Variants in PCSK7 observed in about 807,000 individuals in gnomAD.
PCSK7 encodes lymphoma proprotein convertase.
Under a neutral mutation model 73.3 loss-of-function variants are expected in PCSK7, and 38 were observed. The ratio of observed to expected loss-of-function variants is 0.52; its 90% CI spans 0.40 to 0.68. PCSK7 has a LOEUF of 0.68. Ranked by LOEUF, PCSK7 falls within the 30% of genes least tolerant of loss-of-function variation. PCSK7 has a pLI of 0.00. For missense variants in PCSK7, 692 were observed against 991.5 expected, an observed-to-expected ratio of 0.70 and a Z score of 4.06; for synonymous variants, 296 against 383.8, an observed-to-expected ratio of 0.77 and a Z score of 2.68.
chr11:117,222,256 AG>A (rs2032231715), intron 9 of PCSK7: 1 of 152,256 alleles, frequency 6.6e-6, no homozygotes, highest in Non-Finnish European at 1.5e-5. Flanking sequence ...GATGGCGCTA[AG>A]CCCAGCTGGG....
rs2032420713 is a variant in PCSK7, at chr11:117,226,221, C to T, written c.770-200G>A. The T allele has an allele frequency of 2.1e-5, 12 of 571,818 alleles. No individual in the cohort carries two copies. In the South Asian group the frequency reaches 2.5e-4, roughly 12 times the overall value. 35.4% of individuals were successfully genotyped at this position (571,818 alleles called of 1,614,324 possible). On this transcript the variant is annotated intron_variant, in intron 5 of 16. Coordinates refer to ENST00000320934, the MANE Select transcript of PCSK7 (RefSeq NM_004716.4). ...GCATGATCTCGGCTCACTGCAGCCT[C>T]CACCTCCTGGGTTCAAGCGATTGTC...
At chr11:117,230,153 C>T (rs1189979210) in intron 2 of PCSK7, 196 bp downstream of exon 2, 8 of 335,516 alleles carry the variant, frequency 2.4e-5, no homozygotes, top group East Asian at 1.0e-4. Flanking sequence ...ACAGGCACTG[C>T]GAGCAACCCC....
At chr11:117,231,801 G>T (rs551214479) in intron 1 of PCSK7, 40 of 152,448 alleles carry the variant, frequency 2.6e-4, no homozygotes, top group Admixed American at 2.5e-3. Context: ...TCAGTTTCCC[G>T]ATTCTCCCTC....
At chr11:117,213,371 C>G (rs1322367692) in intron 12 of PCSK7, 8 of 152,118 alleles carry the variant, frequency 5.3e-5, no homozygotes, top group Admixed American at 3.9e-4. Flanking sequence ...ATGAAACACT[C>G]GCGCGTTTCA....
Position 117,218,664 on chromosome 11 carries a change from A to C in PCSK7, c.1432-96T>G. ...CACGCCCTTGTCAATACGATCTTGA[A>C]GGTTTAGCTGTCTTTATTTTTCCAC... On this transcript the variant is annotated intron_variant, in intron 11 of 16. Coordinates refer to ENST00000320934, the MANE Select transcript of PCSK7 (RefSeq NM_004716.4). The surrounding 1 kb of genome is among the most constrained non-coding windows in gnomAD (Gnocchi z 4.0). 1 of 687,980 alleles carries C rather than the reference A, an allele frequency of 1.5e-6. No homozygotes were observed. The highest frequency in any genetic ancestry group is 2.5e-6 in the Non-Finnish European group (1 of 402,414). The allele number at this position is 687,980 out of a possible 1,614,324, so 42.6% of individuals were successfully genotyped here. A position where few individuals can be genotyped will look rare whatever the true frequency, so the allele number is the denominator to read the frequency against.
intron 2 of PCSK7, 91 bp from the exon 3 acceptor site, chr11:117,229,947 C>T: frequency 1.4e-6 from 1 of 696,522 alleles, no homozygotes; most frequent in Non-Finnish European, 2.4e-6. Context: ...CATGTGTTCC[C>T]CCTGGAAGTC....
At chr11:117,224,238 G>A (rs1272275897) in intron 7 of PCSK7, 22 bp from the exon 8 acceptor site, 2 of 1,613,368 alleles carry the variant, frequency 1.2e-6, no homozygotes, top group South Asian at 1.1e-5. Flanking sequence ...AAACATCAGG[G>A]TGTCAGTTGA....
At chr11:117,223,176 G>C in intron 9 of PCSK7, 32 bp downstream of exon 9, 1 of 1,260,172 alleles carries the variant, frequency 7.9e-7, no homozygotes, top group Non-Finnish European at 1.2e-6. Context: ...GTGGGAAAGG[G>C]GCAGGCCGTG....
chr11:117,213,681 G>A (rs187136605), intron 12 of PCSK7: 26 of 152,318 alleles, frequency 1.7e-4, no homozygotes, highest in African/African-American at 5.3e-4. Context: ...GCTTGTCTGC[G>A]TTCGCAGTGT....
At chr11:117,224,031 C>T in intron 8 of PCSK7, 47 bp downstream of exon 8, 1 of 1,596,492 alleles carries the variant, frequency 6.3e-7, no homozygotes, top group Non-Finnish European at 8.6e-7. Context: ...GATGCCCTAA[C>T]CCTTCGGTGA....
chr11:117,219,969 GCTAGAGA>G (rs929072119), intron 9 of PCSK7: 7 of 418,608 alleles, frequency 1.7e-5, no homozygotes, highest in Non-Finnish European at 2.5e-5. Flanking sequence ...TAAAAAAGAA[GCTAGAGA>G]CTGAGTTCAA....
rs1270632354 is a variant in PCSK7 at position 117,219,628 on chromosome 11, C to T, written c.1286G>A (p.Arg429His). The part of the protein sequence containing the change: ...MLQVRPCLTW[R>H]DVQHIIVFTA... Reference sequence around the variant, plus strand: ...GAAGACAATGATGTGCTGGACGTCACGCCACGTGAGGCAGGGCCGCACCTG... The same window carrying T: ...GAAGACAATGATGTGCTGGACGTCATGCCACGTGAGGCAGGGCCGCACCTG... The change falls in exon 10 of 17, where the codon CGT becomes CAT. Residue 429 changes from arginine to histidine, a missense_variant. Physicochemically the swap from Arg to His is conservative, Grantham distance 29. Around this residue, in one of 6 missense-constraint regions of PCSK7, gnomAD observed 574 missense variants for 689.8 expected, o/e 0.83. Coordinates refer to ENST00000320934, the MANE Select transcript of PCSK7 (RefSeq NM_004716.4). 1.9e-6 allele frequency: 3 copies of T among 1,612,458 alleles called. No homozygotes were observed. Among genetic ancestry groups the T allele is most frequent in the South Asian group, 1.1e-5 (1 of 90,810 alleles).
Position 117,229,490 on chromosome 11 carries a change from C to T in PCSK7, c.355G>A (p.Ala119Thr). The change falls in exon 3 of 17, where the codon GCT (alanine) becomes ACT (threonine). Residue 119 changes from alanine to threonine, a missense_variant. This residue lies in a region of PCSK7 where 574 missense variants were observed against 689.8 expected (regional missense o/e 0.83). Coordinates refer to ENST00000320934, the MANE Select transcript of PCSK7 (RefSeq NM_004716.4). ...EVEAIRQQVE[A>T]VLAGHEAVRW... is the part of the protein sequence containing the mutation. ...ACAGCTTCATGCCCAGCCAACACAG[C>T]CTCCACCTGCTGCCGGATGGCCTCC... 1 of 1,612,172 alleles carries T rather than the reference C, an allele frequency of 6.2e-7. No individual in the cohort carries two copies.
Position 117,215,407 on chromosome 11 carries a change from C to CACTTTT in PCSK7, c.1534+3058_1534+3059insAAAAGT, listed in dbSNP as rs1178049660. On this transcript the variant is annotated intron_variant, in intron 12 of 16. Coordinates refer to ENST00000320934, the MANE Select transcript of PCSK7 (RefSeq NM_004716.4). Reference sequence around the variant, plus strand: ...ATATATATATATATATATATATATACTTTTTTTTTTTGAGATGGAGTCTCG... The same window carrying CACTTTT: ...ATATATATATATATATATATATATACACTTTTTTTTTTTTTTTGAGATGGAGTCTCG... 7 of 58,786 alleles carry CACTTTT rather than the reference C, an allele frequency of 1.2e-4. No homozygotes were observed. In the East Asian group the frequency reaches 6.0e-3, roughly 50 times the overall value. 3.6% of individuals were successfully genotyped at this position (58,786 alleles called of 1,614,324 possible).
chr11:117,225,675 T>C, intron 6 of PCSK7: 3 of 523,186 alleles, frequency 5.7e-6, no homozygotes, highest in South Asian at 2.5e-5. Flanking sequence ...GCAGAGGCCT[T>C]AGGAGTTTAG....
rs1241345759 is a variant in PCSK7 at position 117,209,051 on chromosome 11, T to C, written c.1537A>G (p.Ser513Gly). 6.4e-7 allele frequency: 1 copy of C among 1,567,672 alleles called. No homozygotes were observed. Among genetic ancestry groups the C allele is most frequent in the Non-Finnish European group, 8.7e-7 (1 of 1,149,456 alleles). Residue 513 changes from serine (S) to glycine (G), a missense_variant and splice_region_variant, in exon 13 of 17, where the codon AGC (serine) becomes GGC (glycine). Around this residue, in one of 6 missense-constraint regions of PCSK7, gnomAD observed 8 missense variants for 48.2 expected, o/e 0.17. Transcript: ENST00000320934. The stretch of plus-strand genomic sequence containing the variant: ...CCTGACATCTCCAGGTCCATCCTGC[T>C]GACTGTAGAAAGTCAGGCTGGGCAG... The part of the protein sequence containing the change: ...PRSLEVLWNV[S>G]RMDLEMSGLK...
rs921035333 is a variant in PCSK7 at position 117,217,511 on chromosome 11, T to C, written c.1534+955A>G. On this transcript the variant is annotated intron_variant, in intron 12 of 16. Coordinates refer to ENST00000320934, the MANE Select transcript of PCSK7 (RefSeq NM_004716.4). The stretch of plus-strand genomic sequence containing the variant: ...GGGTTTCATTCCACATTGAGGGAAA[T>C]TGGGCAAGTGCTGGATGTGGTTAGG... 4.6e-5 allele frequency: 7 copies of C among 152,268 alleles called. No homozygotes were observed. In the South Asian group the frequency reaches 1.0e-3, roughly 23 times the overall value. The allele number at this position is 152,268 out of a possible 1,614,324, so 9.4% of individuals were successfully genotyped here. A position where few individuals can be genotyped will look rare whatever the true frequency, so the allele number is the denominator to read the frequency against.
At chr11:117,221,285 C>G (rs1322352837) in intron 9 of PCSK7, 1 of 152,266 alleles carries the variant, frequency 6.6e-6, no homozygotes, top group African/African-American at 2.4e-5. Context: ...GAAAAGCACT[C>G]TCCAAGTGGT....
At chr11:117,225,124 C>T (rs562537397) in intron 6 of PCSK7, 108 of 163,170 alleles carry the variant, frequency 6.6e-4, no homozygotes, top group Admixed American at 1.3e-3. Flanking sequence ...TGCAATGGCG[C>T]GATTTTGGCT....
Sources: gnomAD v4.1 joint callset for allele counts on GRCh38, gnomAD v4.1.1 for gene constraint, gnomAD v4.1.1 regional missense constraint, Gnocchi (gnomAD v3.1) non-coding constraint, MANE v1.5 for transcripts, NCBI Gene and HGNC (gene_info 2026-07-23, HGNC 2026-07-21) for gene names.